The following PDCD10 variants were observed in gnomAD, a reference collection of about 807,000 sequenced individuals.
PDCD10 encodes programmed cell death 10, also known as programmed cell death protein 10.
A neutral mutation model predicts 29.2 loss-of-function variants in PDCD10; 4 were observed. The ratio of observed to expected loss-of-function variants is 0.14; its 90% CI spans 0.07 to 0.31. The LOEUF (loss-of-function observed/expected upper bound fraction) is 0.31. PDCD10 is among the 10% of genes least tolerant of loss of function. The pLI is 1.00. For missense variants in PDCD10, 183 were observed against 257.9 expected (o/e 0.71, Z 1.99); for synonymous variants, 70 against 82.2 (o/e 0.85, Z 0.80).
intron 2 of PDCD10, 46 bp from the exon 3 acceptor site, chr3:167,720,319 A>G (rs1723442994): frequency 3.4e-6 from 2 of 595,022 alleles, no homozygotes. Flanking sequence ...TATTAAGGAG[A>G]AACGACAAAT....
At chr3:167,706,406 G>C (rs1369337011) in intron 3 of PDCD10, among the ~76,000 whole-genome samples, 1 of 152,228 alleles carries the variant, frequency 6.6e-6, no homozygotes, top group Non-Finnish European at 1.5e-5. Context: ...GGACATCACA[G>C]AGTGTACTGA....
chr3:167,707,408 G>A (rs1173381001), intron 3 of PDCD10, among the ~76,000 whole-genome samples: 1 of 152,152 alleles, frequency 6.6e-6, no homozygotes, highest in East Asian at 1.9e-4. Context: ...GCTGGGCACG[G>A]TGGCTCACGT....
chr3:167,693,042 T>C (rs1309242224), intron 6 of PDCD10, among the ~76,000 whole-genome samples: 2 of 152,152 alleles, frequency 1.3e-5, no homozygotes, highest in East Asian at 3.9e-4. Context: ...TGTCAAAGAG[T>C]AGGGTCATTC....
At chr3:167,717,095 G>A (rs752212402) in intron 3 of PDCD10, among the ~76,000 whole-genome samples, 1 of 151,954 alleles carries the variant, frequency 6.6e-6, no homozygotes, top group Non-Finnish European at 1.5e-5. Context: ...CAATAAACTT[G>A]GACTCTGAAC....
intron 7 of PDCD10, 89 bp downstream of exon 7, chr3:167,687,526 A>C: frequency 1.2e-6 from 1 of 840,910 alleles, no homozygotes. Context: ...AACTATTTCC[A>C]ACAATCAATC....
chr3:167,727,358 T>G (rs1164414422), intron 2 of PDCD10, among the ~76,000 whole-genome samples: 1 of 152,202 alleles, frequency 6.6e-6, no homozygotes, highest in Non-Finnish European at 1.5e-5. Context: ...GTTGTGACAA[T>G]CCTCATTTTT....
chr3:167,723,462 A>C (rs925982093), intron 2 of PDCD10, among the ~76,000 whole-genome samples: 1 of 152,180 alleles, frequency 6.6e-6, no homozygotes, highest in Non-Finnish European at 1.5e-5. Context: ...CACATACAGA[A>C]AACTGAAGAT....
chr3:167,708,881 C>T (rs1722257992), intron 3 of PDCD10, among the ~76,000 whole-genome samples: 1 of 152,128 alleles, frequency 6.6e-6, no homozygotes, highest in Admixed American at 6.5e-5. Flanking sequence ...ACAACTAGTA[C>T]TATTTTAAAC....
chr3:167,732,374 G>GA (rs1407668612), intron 2 of PDCD10, among the ~76,000 whole-genome samples: 3 of 152,148 alleles, frequency 2.0e-5, no homozygotes, highest in Non-Finnish European at 4.4e-5. Context: ...AGTCCTCTAA[G>GA]AAATAATGTC....
chr3:167,729,934 G>A (rs1252739794), intron 2 of PDCD10, among the ~76,000 whole-genome samples: 3 of 151,930 alleles, frequency 2.0e-5, no homozygotes, highest in African/African-American at 7.3e-5. Context: ...TAGGCAACCT[G>A]GATTCTATCA....
At chr3:167,730,072 T>G (rs1724640554) in intron 2 of PDCD10, among the ~76,000 whole-genome samples, 1 of 152,138 alleles carries the variant, frequency 6.6e-6, no homozygotes, top group Non-Finnish European at 1.5e-5. Flanking sequence ...AAGACACATT[T>G]AAATTTTGTA....
intron 2 of PDCD10, among the ~76,000 whole-genome samples, chr3:167,728,902 G>A (rs1295229581): frequency 6.6e-6 from 1 of 152,172 alleles, no homozygotes; most frequent in Non-Finnish European, 1.5e-5. Context: ...ACACTCCAGG[G>A]AGCGTACCTG....
intron 8 of PDCD10, among the ~76,000 whole-genome samples, chr3:167,686,019 A>G (rs557866404): frequency 6.6e-6 from 1 of 152,326 alleles, no homozygotes; most frequent in African/African-American, 2.4e-5. Context: ...TCATTTTTAA[A>G]TATTACTACA....
At position 167,684,373 on chromosome 3, in the gene PDCD10, C is replaced by G. The variant is rs151267430; in HGVS notation, c.574G>C (p.Val192Leu). 1.4e-5 allele frequency: 23 copies of G among 1,597,638 alleles called. No homozygotes were observed. In the Admixed American group the frequency reaches 3.5e-4, roughly 24 times the overall value. ...TGATGAATTAGTCGGTTGGCACTTA[C>G]GAACACATTTATTGCCCTGTTTAAA... The part of the protein sequence containing the change: ...FKDGKAINVF[V>L]SANRLIHQTN... Residue 192 changes from valine (V) to leucine (L), a missense_variant, in exon 9 of 9, where the codon GTA (valine) becomes CTA (leucine). Val to Leu is a conservative substitution (Grantham distance 32). Coordinates refer to ENST00000392750, the MANE Select transcript of PDCD10 (RefSeq NM_007217.4).
chr3:167,714,643 G>A (rs910417218), intron 3 of PDCD10, among the ~76,000 whole-genome samples: 19 of 151,856 alleles, frequency 1.3e-4, no homozygotes, highest in African/African-American at 3.4e-4. Context: ...TCTATATGCC[G>A]ACAGTGAAAA....
intron 4 of PDCD10, among the ~76,000 whole-genome samples, chr3:167,698,313 C>A (rs969603020): frequency 6.6e-6 from 1 of 152,132 alleles, no homozygotes; most frequent in African/African-American, 2.4e-5. Flanking sequence ...CTGTGTTTGA[C>A]TGAATCCTGT....
At chr3:167,702,942 T>G (rs1181732673) in intron 4 of PDCD10, among the ~76,000 whole-genome samples, 1 of 152,184 alleles carries the variant, frequency 6.6e-6, no homozygotes, top group Non-Finnish European at 1.5e-5. Context: ...TATCCATGGA[T>G]CAAACCACAT....
At chr3:167,690,207 C>G (rs1237201485) in intron 6 of PDCD10, among the ~76,000 whole-genome samples, 3 of 152,232 alleles carry the variant, frequency 2.0e-5, no homozygotes, top group African/African-American at 7.2e-5. Context: ...AAACATTACA[C>G]TGAAAGGCAA....
intron 3 of PDCD10, among the ~76,000 whole-genome samples, chr3:167,713,122 T>C (rs1722687491): frequency 6.6e-6 from 1 of 151,920 alleles, no homozygotes; most frequent in Non-Finnish European, 1.5e-5. Context: ...GAATATTCCA[T>C]AGAACAGCTG....
Sources: allele counts gnomAD v4.1 joint callset (sites outside exome capture counted in the v4.1 genomes callset), GRCh38; gene constraint gnomAD v4.1.1; transcripts MANE v1.5; gene names NCBI Gene and HGNC (gene_info 2026-07-23, HGNC 2026-07-21).